The following TRAPPC9 variants were observed in gnomAD, a reference collection of about 807,000 sequenced individuals.
TRAPPC9 encodes IKK2 binding protein.
TRAPPC9 carries 83 observed loss-of-function variants against 124.0 expected under a neutral mutation model. The ratio of observed to expected loss-of-function variants is 0.67; its 90% CI spans 0.56 to 0.80. The LOEUF (loss-of-function observed/expected upper bound fraction) is 0.80, where lower values mean the gene tolerates loss of function less well. Ranked by LOEUF, TRAPPC9 falls within the 30% of genes least tolerant of loss-of-function variation. The pLI, the probability that TRAPPC9 is intolerant of heterozygous loss-of-function variation, is 0.00. For missense variants in TRAPPC9, 1,302 were observed against 1,508.3 expected (o/e 0.86, Z 2.27); for synonymous variants, 638 against 617.5 (o/e 1.03, Z -0.49).
chr8:140,373,376 A>G (rs574108787), intron 7 of TRAPPC9, among the ~76,000 whole-genome samples: 1 of 152,334 alleles, frequency 6.6e-6, no homozygotes, highest in South Asian at 2.1e-4. Flanking sequence ...CTGCTCCTGC[A>G]ATGCCTCCAC....
rs113776048 is a variant in TRAPPC9 at position 139,835,775 on chromosome 8, A to AC, written c.3055+50103_3055+50104insG. ...GGGAAAGCTGAAGATTAAAAAACAA[A>AC]AAAAAAAAAAGCTTCCCTAGAAAGC... is the stretch of plus-strand genomic sequence containing the variant. On this transcript the variant is annotated intron_variant, in intron 21 of 22. Transcript: ENST00000438773. 3.8e-3 allele frequency among the ~76,000 whole-genome samples: 575 copies of AC among 150,682 alleles called. 2 individuals are homozygous for AC. Among genetic ancestry groups the AC allele is most frequent in the African/African-American group, 0.013 (541 of 40,340 alleles).
intron 21 of TRAPPC9, among the ~76,000 whole-genome samples, chr8:139,826,700 C>T (rs938968062): frequency 5.3e-5 from 8 of 152,112 alleles, no homozygotes; most frequent in African/African-American, 1.2e-4. Context: ...CTGGAGTTGA[C>T]GCCGTTCCTG....
At chr8:139,964,600 C>A (rs1835576652) in intron 19 of TRAPPC9, among the ~76,000 whole-genome samples, 1 of 152,166 alleles carries the variant, frequency 6.6e-6, no homozygotes, top group Non-Finnish European at 1.5e-5. Flanking sequence ...TCCAACTTAA[C>A]CATTCCAAAG....
chr8:140,199,719 A>AT (rs368238175), intron 17 of TRAPPC9, among the ~76,000 whole-genome samples: 2 of 152,116 alleles, frequency 1.3e-5, no homozygotes, highest in African/African-American at 4.8e-5. Flanking sequence ...CAGATCTTCC[A>AT]TTTTTTTATT....
chr8:139,987,015 T>A (rs1368313722), intron 19 of TRAPPC9, among the ~76,000 whole-genome samples: 4 of 152,246 alleles, frequency 2.6e-5, no homozygotes, highest in African/African-American at 4.8e-5. Flanking sequence ...TGGAACCACA[T>A]GGCATATGCA....
intron 19 of TRAPPC9, among the ~76,000 whole-genome samples, chr8:139,976,232 C>T (rs1313294441): frequency 6.6e-6 from 1 of 152,044 alleles, no homozygotes; most frequent in Non-Finnish European, 1.5e-5. Flanking sequence ...ACTGGATATC[C>T]ATATGCAACA....
intron 18 of TRAPPC9, chr8:140,008,372 A>C (rs2131834189): frequency 6.6e-6 from 1 of 152,360 alleles, no homozygotes; most frequent in East Asian, 1.9e-4. Context: ...AGCTTCTCAA[A>C]GCACAGCCCT....
intron 17 of TRAPPC9, among the ~76,000 whole-genome samples, chr8:140,174,280 T>C (rs2062020053): frequency 6.6e-6 from 1 of 151,908 alleles, no homozygotes; most frequent in East Asian, 1.9e-4. Context: ...ACACTGGGCT[T>C]AATACCTGGC....
chr8:140,297,344 G>GCACACA (rs2065834896), intron 11 of TRAPPC9, among the ~76,000 whole-genome samples: 4 of 86,586 alleles, frequency 4.6e-5, no homozygotes, highest in African/African-American at 2.2e-4. Flanking sequence ...ACACACACAT[G>GCACACA]CATAGACACA....
chr8:139,963,254 C>T (rs956180651), intron 19 of TRAPPC9, among the ~76,000 whole-genome samples: 1 of 152,112 alleles, frequency 6.6e-6, no homozygotes, highest in Non-Finnish European at 1.5e-5. Flanking sequence ...TCCCTTGGAG[C>T]CTTGCACTAA....
chr8:139,813,920 A>C (rs1443079023), intron 21 of TRAPPC9, among the ~76,000 whole-genome samples: 1 of 152,198 alleles, frequency 6.6e-6, no homozygotes, highest in Non-Finnish European at 1.5e-5. Flanking sequence ...GGCTGCAGAC[A>C]GGAATGTGGC....
chr8:140,456,086 C>A (rs1453470231), intron 1 of TRAPPC9, among the ~76,000 whole-genome samples: 1 of 152,052 alleles, frequency 6.6e-6, no homozygotes, highest in Non-Finnish European at 1.5e-5. Context: ...TCTGGAATGA[C>A]AATGGTAACA....
At chr8:140,387,200 T>C (rs912877938) in intron 7 of TRAPPC9, among the ~76,000 whole-genome samples, 4 of 151,728 alleles carry the variant, frequency 2.6e-5, no homozygotes, top group East Asian at 3.9e-4. Context: ...GTTAAGTCTT[T>C]AATGTTTTTA....
At chr8:139,959,973 C>T (rs180918388) in intron 19 of TRAPPC9, among the ~76,000 whole-genome samples, 72 of 152,284 alleles carry the variant, frequency 4.7e-4, no homozygotes, top group African/African-American at 1.6e-3. Context: ...AGGAAGGAGG[C>T]GGCGGCGAGA....
At chr8:140,246,810 C>T (rs1176933769) in intron 16 of TRAPPC9, among the ~76,000 whole-genome samples, 3 of 152,096 alleles carry the variant, frequency 2.0e-5, no homozygotes, top group African/African-American at 7.2e-5. Flanking sequence ...CGTGGTGAAA[C>T]CCCGTCTCTC....
intron 18 of TRAPPC9, among the ~76,000 whole-genome samples, chr8:140,017,488 T>C (rs1839545002): frequency 6.6e-6 from 1 of 152,198 alleles, no homozygotes; most frequent in Admixed American, 6.5e-5. Flanking sequence ...GACTTTTCTT[T>C]CCCCATGAAA....
At chr8:140,071,484 C>T (rs1167564352) in intron 17 of TRAPPC9, among the ~76,000 whole-genome samples, 2 of 152,180 alleles carry the variant, frequency 1.3e-5, no homozygotes, top group Non-Finnish European at 2.9e-5. Context: ...TGCAGTCTCC[C>T]CCTTAGAAAG....
rs200692054 is a variant in TRAPPC9, at chr8:140,179,523, T to G, written c.2556+41936A>C. 5.3e-5 allele frequency among the ~76,000 whole-genome samples: 8 copies of G among 152,236 alleles called. No homozygotes were observed. In the East Asian group the frequency reaches 1.5e-3, roughly 29 times the overall value. ...ATGGTCTATCTTACCAAATGTTCAA[T>G]GTGTATTTGAAAATAATGTGTATAT... is the stretch of plus-strand genomic sequence containing the variant. On this transcript the variant is annotated intron_variant, in intron 17 of 22. Transcript: ENST00000438773.
intron 21 of TRAPPC9, among the ~76,000 whole-genome samples, chr8:139,736,426 C>T (rs557186381): frequency 6.6e-6 from 1 of 152,318 alleles, no homozygotes; most frequent in Non-Finnish European, 1.5e-5. Flanking sequence ...CCGTTTCCTT[C>T]CTTGCTCCAC....
Sources: allele counts gnomAD v4.1 joint callset (sites outside exome capture counted in the v4.1 genomes callset), GRCh38; gene constraint gnomAD v4.1.1; transcripts MANE v1.5; gene names NCBI Gene and HGNC (gene_info 2026-07-23, HGNC 2026-07-21).